Variants in C8orf34 observed in about 807,000 individuals in gnomAD.
The protein encoded by C8orf34 is uncharacterized protein C8orf34.
A neutral mutation model predicts 68.3 loss-of-function variants in C8orf34; 65 were observed. The observed-to-expected ratio is 0.95, with a 90% CI of 0.78 to 1.17. C8orf34 has a LOEUF of 1.17. Ranked by LOEUF, C8orf34 falls within the 50% of genes most tolerant of loss-of-function variation. The pLI, the probability that C8orf34 is intolerant of heterozygous loss-of-function variation, is 0.00. For missense variants in C8orf34, 664 were observed against 655.4 expected (o/e 1.01, Z -0.14); for synonymous variants, 244 against 241.2 (o/e 1.01, Z -0.11).
chr8:68,591,826 A>G (rs1275588595), intron 7 of C8orf34, among the ~76,000 whole-genome samples: 2 of 152,154 alleles, frequency 1.3e-5, no homozygotes, highest in East Asian at 1.9e-4. Context: ...GGAATTTAAG[A>G]CTTAAAATGA....
intron 7 of C8orf34, among the ~76,000 whole-genome samples, chr8:68,623,127 T>G (rs1818436051): frequency 6.6e-6 from 1 of 152,204 alleles, no homozygotes; most frequent in Non-Finnish European, 1.5e-5. Context: ...CAGATTAAAC[T>G]CTATTAACCA....
At chr8:68,332,144 G>C (rs1805638783) in intron 1 of C8orf34, among the ~76,000 whole-genome samples, 1 of 151,982 alleles carries the variant, frequency 6.6e-6, no homozygotes, top group African/African-American at 2.4e-5. Context: ...TACAGTAGAA[G>C]GAAGAGCGCG....
chr8:68,559,361 T>A (rs1341918483), intron 7 of C8orf34, among the ~76,000 whole-genome samples: 2 of 152,220 alleles, frequency 1.3e-5, no homozygotes, highest in Non-Finnish European at 2.9e-5. Flanking sequence ...TTTATATTAG[T>A]ATAGTTTTTA....
chr8:68,335,019 A>T (rs562586684), intron 1 of C8orf34, among the ~76,000 whole-genome samples: 2 of 152,236 alleles, frequency 1.3e-5, no homozygotes, highest in African/African-American at 4.8e-5. Flanking sequence ...ATATCTAAAA[A>T]ATGCTCCTTG....
At chr8:68,480,154 C>T (rs899177246) in intron 4 of C8orf34, among the ~76,000 whole-genome samples, 3 of 152,100 alleles carry the variant, frequency 2.0e-5, no homozygotes, top group Non-Finnish European at 4.4e-5. Context: ...GGGAGGGACC[C>T]AGGGGGAGGT....
intron 6 of C8orf34, among the ~76,000 whole-genome samples, chr8:68,531,495 A>C (rs975711595): frequency 6.6e-6 from 1 of 152,198 alleles, no homozygotes; most frequent in Non-Finnish European, 1.5e-5. Flanking sequence ...AATTCAGATT[A>C]GATATTTTTG....
At chr8:68,491,340 G>A (rs974210056) in intron 5 of C8orf34, among the ~76,000 whole-genome samples, 5 of 151,540 alleles carry the variant, frequency 3.3e-5, no homozygotes, top group African/African-American at 4.9e-5. Context: ...GATTGCTGCT[G>A]TGACACTTTA....
At chr8:68,607,425 T>C (rs1817887699) in intron 7 of C8orf34, among the ~76,000 whole-genome samples, 1 of 152,110 alleles carries the variant, frequency 6.6e-6, no homozygotes, top group South Asian at 2.1e-4. Flanking sequence ...ACTATATCTT[T>C]ACATGGTGTT....
chr8:68,460,763 A>G (rs1323640279), intron 3 of C8orf34, among the ~76,000 whole-genome samples: 1 of 152,234 alleles, frequency 6.6e-6, no homozygotes, highest in African/African-American at 2.4e-5. Context: ...TAACAAACAG[A>G]AAGGACATCC....
intron 6 of C8orf34, chr8:68,525,420 A>G: frequency 2.5e-6 from 1 of 407,194 alleles, no homozygotes; most frequent in South Asian, 4.4e-5. Context: ...ATAACTTATA[A>G]ATTTCTTAAT....
chr8:68,785,199 G>A (rs1823810909), intron 11 of C8orf34, among the ~76,000 whole-genome samples: 1 of 151,038 alleles, frequency 6.6e-6, no homozygotes, highest in Non-Finnish European at 1.5e-5. Context: ...GTGAGAGTCT[G>A]TCTCAGAAAA....
intron 10 of C8orf34, among the ~76,000 whole-genome samples, chr8:68,727,437 T>C (rs7834973): frequency 6.6e-6 from 1 of 151,928 alleles, no homozygotes; most frequent in Non-Finnish European, 1.5e-5. Context: ...TGGCGCAAGC[T>C]GTCAGTGGAT....
At chr8:68,356,698 G>A (rs567195185) in intron 1 of C8orf34, among the ~76,000 whole-genome samples, 39 of 152,014 alleles carry the variant, frequency 2.6e-4, no homozygotes, top group African/African-American at 9.2e-4. Flanking sequence ...TTTTGTTCCT[G>A]GAAGTTCTTA....
chr8:68,365,073 G>A (rs1164029880), intron 1 of C8orf34, among the ~76,000 whole-genome samples: 3 of 149,304 alleles, frequency 2.0e-5, no homozygotes, highest in African/African-American at 7.4e-5. Context: ...TATCACCACC[G>A]ATCCCACAGA....
chr8:68,509,418 C>CA (rs1054979986), intron 5 of C8orf34, among the ~76,000 whole-genome samples: 2 of 151,674 alleles, frequency 1.3e-5, no homozygotes, highest in African/African-American at 4.8e-5. Flanking sequence ...GCCCTTCTGG[C>CA]AAAAAAAAGC....
chr8:68,358,634 A>T (rs929113645), intron 1 of C8orf34, among the ~76,000 whole-genome samples: 1 of 151,680 alleles, frequency 6.6e-6, no homozygotes, highest in Non-Finnish European at 1.5e-5. Context: ...CCATAGGCCA[A>T]TTTCTACAAT....
chr8:68,633,972 A>G (rs900303389), intron 7 of C8orf34, among the ~76,000 whole-genome samples: 9 of 152,094 alleles, frequency 5.9e-5, no homozygotes, highest in African/African-American at 1.9e-4. Flanking sequence ...AATCCTATGA[A>G]TTTATTTAAT....
chr8:68,646,681 T>C (rs1318294700), intron 8 of C8orf34, among the ~76,000 whole-genome samples: 1 of 152,180 alleles, frequency 6.6e-6, no homozygotes, highest in Non-Finnish European at 1.5e-5. Flanking sequence ...TCTATGAGTT[T>C]GACTTTTTTA....
At chr8:68,678,535 A>G (rs756619468) in intron 8 of C8orf34, among the ~76,000 whole-genome samples, 7 of 152,196 alleles carry the variant, frequency 4.6e-5, no homozygotes, top group South Asian at 2.1e-4. Flanking sequence ...AAAATTCAAC[A>G]TCTTTCTTCA....
Sources: gnomAD v4.1 joint callset for allele counts (sites outside exome capture counted in the v4.1 genomes callset) on GRCh38, gnomAD v4.1.1 for gene constraint, MANE v1.5 for transcripts, NCBI Gene and HGNC (gene_info 2026-07-23, HGNC 2026-07-21) for gene names.